The following CAMK4 variants were observed in gnomAD, a reference collection of about 807,000 sequenced individuals.
CAMK4 encodes the protein calcium/calmodulin dependent protein kinase IV, also known as calcium/calmodulin-dependent protein kinase type IV.
Under a neutral mutation model 44.9 loss-of-function variants are expected in CAMK4, and 22 were observed. The observed-to-expected ratio is 0.49, with a 90% confidence interval of 0.35 to 0.70. The LOEUF (loss-of-function observed/expected upper bound fraction) is 0.70. Among genes scored for constraint, CAMK4 ranks in the 30% least tolerant of loss-of-function variants. The pLI is 0.01. For missense variants in CAMK4, 498 were observed against 586.8 expected, an observed-to-expected ratio of 0.85 and a Z score of 1.56; for synonymous variants, 218 against 215.4, an observed-to-expected ratio of 1.01 and a Z score of -0.11.
intron 2 of CAMK4, among the ~76,000 whole-genome samples, chr5:111,349,589 G>A (rs1447630591): frequency 1.3e-5 from 2 of 151,922 alleles, no homozygotes; most frequent in South Asian, 2.1e-4. Flanking sequence ...CTTCAAACTG[G>A]ACTGAACTCT....
Position 111,487,690 on chromosome 5 carries a change from G to A in CAMK4, c.*3224G>A, listed in dbSNP as rs771152516. On this transcript the variant is annotated 3_prime_UTR_variant, in exon 11 of 11. Transcript: ENST00000282356. ...TTTCAAAATCAAGAGTGTATGTTAGGCCTTTGGGACATCAAGTGCTCAATA... is the reference window on the plus strand; with the variant it reads ...TTTCAAAATCAAGAGTGTATGTTAGACCTTTGGGACATCAAGTGCTCAATA... 1.3e-5 allele frequency: 2 copies of A among 151,948 alleles called. No homozygotes were observed. Among genetic ancestry groups the A allele is most frequent in the Non-Finnish European group, 2.9e-5 (2 of 67,972 alleles). The allele number at this position is 151,948 out of a possible 1,614,324, so 9.4% of individuals were successfully genotyped here.
In CAMK4 at chr5:111,489,044, T is replaced by C. The variant is rs536713697; in HGVS notation, c.*4578T>C. 1 of 152,350 alleles carries C rather than the reference T, an allele frequency of 6.6e-6. No individual in the cohort carries two copies. The highest frequency in any genetic ancestry group is 1.5e-5 in the Non-Finnish European group (1 of 68,038). 9.4% of individuals were successfully genotyped at this position (152,350 alleles called of 1,614,324 possible). A position where few individuals can be genotyped will look rare whatever the true frequency, so the allele number is the denominator to read the frequency against. On this transcript the variant is annotated 3_prime_UTR_variant, in exon 11 of 11. Coordinates refer to ENST00000282356, the MANE Select transcript of CAMK4 (RefSeq NM_001744.6). The stretch of plus-strand genomic sequence containing the variant: ...CAGGGTCATTGCTAGTAGTTGAGCA[T>C]TTACTGGTTGAACATTGTTTAATGG...
rs1755711163 is a variant in CAMK4, at chr5:111,488,578, T to C, written c.*4112T>C. On this transcript the variant is annotated 3_prime_UTR_variant, in exon 11 of 11. Transcript: ENST00000282356. ...TGGTGGGTTGCCTACAGGCTGAAGA[T>C]TTGGAGAGAGCCATTTTGTTTCATA... The C allele has an allele frequency of 6.6e-6, 1 of 152,208 alleles. No individual in the cohort carries two copies. Among genetic ancestry groups the C allele is most frequent in the African/African-American group, 2.4e-5 (1 of 41,456 alleles). The allele number at this position is 152,208 out of a possible 1,614,324, so 9.4% of individuals were successfully genotyped here.
At chr5:111,448,532 G>A (rs1264014788) in intron 6 of CAMK4, among the ~76,000 whole-genome samples, 6 of 152,202 alleles carry the variant, frequency 3.9e-5, no homozygotes, top group Non-Finnish European at 8.8e-5. Context: ...GCTTGGCTGG[G>A]CGCGGGGGCT....
At chr5:111,224,246 G>A (rs1051850901), upstream of CAMK4, 24 of 401,886 alleles carry the variant, frequency 6.0e-5, no homozygotes, top group African/African-American at 5.2e-4. This position sits in a 1 kb window ranked among gnomAD's most constrained non-coding sequence, Gnocchi z 5.7. Context: ...CAGCGGTGCA[G>A]CTAGTCTCCC....
At chr5:111,470,961 A>C (rs372204669) in intron 7 of CAMK4, among the ~76,000 whole-genome samples, 17 of 152,354 alleles carry the variant, frequency 1.1e-4, no homozygotes, top group East Asian at 9.6e-4. Context: ...ATCCAAAAAA[A>C]CCATTGCCAT....
chr5:111,457,824 T>A (rs1469816042), intron 7 of CAMK4, among the ~76,000 whole-genome samples: 1 of 152,232 alleles, frequency 6.6e-6, no homozygotes, highest in Non-Finnish European at 1.5e-5. Context: ...GAGTCTTAAA[T>A]TATACTGCAA....
chr5:111,255,851 C>G (rs1320293580), intron 1 of CAMK4, among the ~76,000 whole-genome samples: 1 of 152,164 alleles, frequency 6.6e-6, no homozygotes, highest in African/African-American at 2.4e-5. Context: ...ATGCCAACTT[C>G]TCCCAGTGTA....
intron 1 of CAMK4, among the ~76,000 whole-genome samples, chr5:111,275,651 A>C (rs905517390): frequency 2.6e-5 from 4 of 152,146 alleles, no homozygotes; most frequent in Admixed American, 6.6e-5. Context: ...TGGAGGATGA[A>C]AAGAAGTTGG....
At chr5:111,241,137 T>C (rs968379110) in intron 1 of CAMK4, among the ~76,000 whole-genome samples, 1 of 152,248 alleles carries the variant, frequency 6.6e-6, no homozygotes, top group African/African-American at 2.4e-5. Context: ...TTTTTTTTTT[T>C]TTACTATTAA....
intron 1 of CAMK4, among the ~76,000 whole-genome samples, chr5:111,287,938 AATC>A (rs1416105380): frequency 3.3e-5 from 5 of 152,344 alleles, no homozygotes; most frequent in African/African-American, 9.6e-5. Context: ...GCCTTCTCCT[AATC>A]ATATCCCTTT....
At chr5:111,379,431 A>G (rs1751333424) in intron 4 of CAMK4, among the ~76,000 whole-genome samples, 1 of 152,180 alleles carries the variant, frequency 6.6e-6, no homozygotes, top group Non-Finnish European at 1.5e-5. Flanking sequence ...AATGGCATAC[A>G]GCCAGTAAAG....
At chr5:111,385,674 C>T (rs1228257917) in intron 4 of CAMK4, among the ~76,000 whole-genome samples, 1 of 152,034 alleles carries the variant, frequency 6.6e-6, no homozygotes, top group Admixed American at 6.6e-5. Flanking sequence ...CCCGGGTTCA[C>T]TCCATTTTCC....
intron 5 of CAMK4, among the ~76,000 whole-genome samples, chr5:111,404,136 T>G (rs1365713288): frequency 2.0e-5 from 3 of 152,216 alleles, no homozygotes; most frequent in Non-Finnish European, 2.9e-5. Context: ...GCATACATAT[T>G]TAACATGGTA....
In CAMK4 at chr5:111,287,347, A is replaced by T. The variant is rs1291367391; in HGVS notation, c.162-56677A>T. Among the ~76,000 whole-genome samples, 7 of 152,282 alleles carry T rather than the reference A, an allele frequency of 4.6e-5. 1 individual carries two copies. The South Asian group carries it at 1.5e-3, about 32-fold the overall frequency. On this transcript the variant is annotated intron_variant, in intron 1 of 10. Transcript: ENST00000282356. ...AAAGTTAATAATATGGGATCAGGTG[A>T]TTGTAGTTGTGAATATAGTTAGAGT... is the stretch of plus-strand genomic sequence containing the variant.
intron 1 of CAMK4, among the ~76,000 whole-genome samples, chr5:111,339,874 T>C (rs1749565426): frequency 6.6e-6 from 1 of 151,338 alleles, no homozygotes; most frequent in African/African-American, 2.4e-5. Flanking sequence ...TATCTTTTCA[T>C]TTTTTTGTGG....
intron 1 of CAMK4, among the ~76,000 whole-genome samples, chr5:111,317,476 A>G (rs1214261032): frequency 6.6e-6 from 1 of 152,216 alleles, no homozygotes; most frequent in Non-Finnish European, 1.5e-5. Flanking sequence ...GCCTGTAGAA[A>G]GTGTTTTATA....
intron 5 of CAMK4, among the ~76,000 whole-genome samples, chr5:111,408,365 A>G (rs1752511862): frequency 6.6e-6 from 1 of 152,178 alleles, no homozygotes; most frequent in Admixed American, 6.5e-5. Context: ...GGAGAAGCAA[A>G]GGCATGTCTT....
chr5:111,408,413 T>C (rs1418321110), intron 5 of CAMK4, among the ~76,000 whole-genome samples: 1 of 152,174 alleles, frequency 6.6e-6, no homozygotes, highest in Non-Finnish European at 1.5e-5. Context: ...CATCGGATCT[T>C]GTGAGACTTA....
Sources: gnomAD v4.1 joint callset for allele counts (sites outside exome capture counted in the v4.1 genomes callset) on GRCh38, gnomAD v4.1.1 for gene constraint, Gnocchi (gnomAD v3.1) non-coding constraint, MANE v1.5 for transcripts, NCBI Gene and HGNC (gene_info 2026-07-23, HGNC 2026-07-21) for gene names.